The following FIG4 variants were observed in gnomAD, a reference collection of about 807,000 sequenced individuals.
FIG4 encodes FIG4 phosphoinositide 5-phosphatase, also known as polyphosphoinositide phosphatase.
In FIG4, 112 loss-of-function variants were observed where a neutral mutation model predicts 118.6. That is an observed-to-expected ratio of 0.94 (90% CI 0.81 to 1.11). The LOEUF (loss-of-function observed/expected upper bound fraction) is 1.11. Ranked by LOEUF, FIG4 falls within the 50% of genes least tolerant of loss-of-function variation. FIG4 has a pLI of 0.00. For missense variants in FIG4, 969 were observed against 1,111.7 expected, an observed-to-expected ratio of 0.87 and a Z score of 1.83; for synonymous variants, 369 against 381.2, an observed-to-expected ratio of 0.97 and a Z score of 0.37.
chr6:109,735,127 TTAAG>T lies in FIG4; in HGVS notation c.498-21_498-18del. The stretch of plus-strand genomic sequence containing the variant: ...ATATGCTTTGCTTTTGTAATTCTTA[TTAAG>T]TTTCAATTCTGTTCTCAGTTACAGC... On this transcript the variant is annotated intron_variant, in intron 5 of 22. Coordinates refer to ENST00000230124, the MANE Select transcript of FIG4 (RefSeq NM_014845.6). 1 of 1,606,032 alleles carries T rather than the reference TTAAG, an allele frequency of 6.2e-7. No individual in the cohort carries two copies. Among genetic ancestry groups the T allele is most frequent in the Non-Finnish European group, 8.5e-7 (1 of 1,173,214 alleles).
intron 22 of FIG4, among the ~76,000 whole-genome samples, chr6:109,802,047 G>A (rs898068391): frequency 4.6e-5 from 7 of 152,164 alleles, no homozygotes; most frequent in African/African-American, 1.7e-4. Flanking sequence ...CTCCACAGGC[G>A]GAGATAATAA....
intron 22 of FIG4, among the ~76,000 whole-genome samples, chr6:109,824,281 G>A (rs1015295634): frequency 2.0e-5 from 3 of 152,326 alleles, no homozygotes; most frequent in African/African-American, 4.8e-5. Flanking sequence ...TCCAAAAGCC[G>A]GAGGCTAGAT....
chr6:109,753,090 T>C (rs1776762047), intron 10 of FIG4, among the ~76,000 whole-genome samples: 1 of 152,198 alleles, frequency 6.6e-6, no homozygotes. Flanking sequence ...ATTTATTAAA[T>C]AGGGAATCCT....
intron 8 of FIG4, among the ~76,000 whole-genome samples, chr6:109,742,290 C>G (rs554663917): frequency 1.1e-4 from 17 of 151,962 alleles, no homozygotes; most frequent in African/African-American, 4.1e-4. Flanking sequence ...ACGCTTTGCC[C>G]TCTTTGTCTT....
intron 10 of FIG4, among the ~76,000 whole-genome samples, chr6:109,757,355 A>G (rs948931787): frequency 6.6e-6 from 1 of 152,254 alleles, no homozygotes; most frequent in Admixed American, 6.5e-5. Flanking sequence ...ACCAGAACCA[A>G]TGACAAAAAC....
chr6:109,730,773 G>T (rs1002080419), intron 4 of FIG4, among the ~76,000 whole-genome samples: 2 of 152,064 alleles, frequency 1.3e-5, no homozygotes, highest in Non-Finnish European at 2.9e-5. Flanking sequence ...AATTCCAGAA[G>T]TACAAAGATA....
chr6:109,777,477 G>A (rs1198141498), intron 16 of FIG4, among the ~76,000 whole-genome samples: 2 of 152,238 alleles, frequency 1.3e-5, no homozygotes, highest in African/African-American at 4.8e-5. Context: ...CAAACCAACA[G>A]TATCATCTTT....
chr6:109,726,198 G>T (rs1775807280), intron 3 of FIG4, among the ~76,000 whole-genome samples: 1 of 152,100 alleles, frequency 6.6e-6, no homozygotes, highest in Admixed American at 6.6e-5. Flanking sequence ...GAATAGTATT[G>T]CCTACGTTTT....
chr6:109,787,299 T>C (rs74626300), intron 18 of FIG4, among the ~76,000 whole-genome samples: 2,395 of 152,322 alleles, frequency 0.016, 58 homozygotes, highest in East Asian at 0.11. Flanking sequence ...TCTTCAGATG[T>C]GGTATTTATA....
chr6:109,766,785 G>C lies in FIG4; in HGVS notation c.1640G>C (p.Gly547Ala). 6.2e-7 allele frequency: 1 copy of C among 1,613,842 alleles called. No homozygotes were observed. The highest frequency in any genetic ancestry group is 8.5e-7 in the Non-Finnish European group (1 of 1,179,828). Residue 547 changes from glycine to alanine, a missense_variant, in exon 15 of 23, where the codon GGT (glycine) becomes GCT (alanine). Physicochemically the swap from Gly to Ala is moderately conservative, Grantham distance 60. Transcript: ENST00000230124. ...HGDTLSLQYG[G>A]SQLVHRVKTY... ...GATACCCTATCCCTTCAGTATGGTG[G>C]TTCTCAACTTGTTCATCGTGTGAAA...
intron 10 of FIG4, among the ~76,000 whole-genome samples, chr6:109,751,575 A>G (rs760064765): frequency 3.3e-5 from 5 of 151,990 alleles, no homozygotes; most frequent in Non-Finnish European, 4.4e-5. Context: ...CCTATTAACT[A>G]TTGCCTCAGT....
At chr6:109,741,229 A>T (rs1440802796) in intron 7 of FIG4, among the ~76,000 whole-genome samples, 1 of 152,076 alleles carries the variant, frequency 6.6e-6, no homozygotes, top group East Asian at 1.9e-4. Context: ...TATGGAAAGC[A>T]CTCCTTAGTC....
At chr6:109,756,641 A>G (rs1776913227) in intron 10 of FIG4, among the ~76,000 whole-genome samples, 1 of 151,972 alleles carries the variant, frequency 6.6e-6, no homozygotes, top group African/African-American at 2.4e-5. Flanking sequence ...GTTTCTTTTT[A>G]TTCTTTTTTC....
At chr6:109,717,133 G>A (rs913734015) in intron 3 of FIG4, among the ~76,000 whole-genome samples, 1 of 151,596 alleles carries the variant, frequency 6.6e-6, no homozygotes, top group Admixed American at 6.6e-5. Flanking sequence ...GACAACCCAA[G>A]TCACTGTGAC....
chr6:109,804,137 G>A (rs541209806), intron 22 of FIG4, among the ~76,000 whole-genome samples: 3 of 152,232 alleles, frequency 2.0e-5, no homozygotes, highest in Admixed American at 6.5e-5. Flanking sequence ...TGAGCAAGCA[G>A]GTTAATCTGG....
chr6:109,785,786 T>G (rs1013742005), intron 17 of FIG4: 1 of 452,316 alleles, frequency 2.2e-6, no homozygotes, highest in Non-Finnish European at 4.6e-6. Context: ...TTACAAAGTA[T>G]TTTTGGTTCT....
At chr6:109,817,028 A>C (rs1024716712) in intron 22 of FIG4, among the ~76,000 whole-genome samples, 6 of 152,350 alleles carry the variant, frequency 3.9e-5, no homozygotes, top group African/African-American at 1.4e-4. Flanking sequence ...CGCCGTATAA[A>C]TGTCTGATGG....
At chr6:109,727,718 C>T (rs961168001) in intron 4 of FIG4, among the ~76,000 whole-genome samples, 7 of 151,840 alleles carry the variant, frequency 4.6e-5, no homozygotes, top group Admixed American at 2.6e-4. Context: ...AATAATGAGA[C>T]GAAACTGACA....
intron 11 of FIG4, among the ~76,000 whole-genome samples, chr6:109,761,152 G>A (rs1777092629): frequency 6.6e-6 from 1 of 152,070 alleles, no homozygotes; most frequent in South Asian, 2.1e-4. Context: ...CTTTCTCAGA[G>A]TATAAGTTTG....
Sources: allele counts gnomAD v4.1 joint callset (sites outside exome capture counted in the v4.1 genomes callset), GRCh38; gene constraint gnomAD v4.1.1; transcripts MANE v1.5; gene names NCBI Gene and HGNC (gene_info 2026-07-23, HGNC 2026-07-21).